RAB7B: variants seen among roughly 807,000 people sequenced by gnomAD.
RAB7B encodes RAB7B, member RAS oncogene family.
At chr1:205,993,374 A>T (rs1205435671) in intron 3 of RAB7B, 46 bp downstream of exon 3, 1 of 397,342 alleles carries the variant, frequency 2.5e-6, no homozygotes, top group African/African-American at 2.1e-5. Flanking sequence ...CTTGGGGGGG[A>T]TTTTCAGTGT....
chr1:205,982,771 C>G (rs1571790892), intron 5 of RAB7B, among the ~76,000 whole-genome samples: 1 of 152,136 alleles, frequency 6.6e-6, no homozygotes, highest in African/African-American at 2.4e-5. Flanking sequence ...CTCAAAACAC[C>G]CTGGGCTGGA....
chr1:205,981,497 G>C (rs1042916150), intron 5 of RAB7B, among the ~76,000 whole-genome samples: 2 of 149,294 alleles, frequency 1.3e-5, no homozygotes, highest in East Asian at 2.0e-4. Flanking sequence ...AACACCTACT[G>C]TGATTTCTTT....
At chr1:205,982,869 T>C (rs912100950) in intron 5 of RAB7B, among the ~76,000 whole-genome samples, 1 of 152,260 alleles carries the variant, frequency 6.6e-6, no homozygotes, top group Non-Finnish European at 1.5e-5. Flanking sequence ...TCAAAATCTG[T>C]ATTTGTAAAC....
rs1160056557 is a variant in RAB7B, at chr1:205,985,517, G to T, written c.522+23C>A. The T allele has an allele frequency of 1.5e-5, 6 of 398,654 alleles. No individual in the cohort carries two copies. In the Admixed American group the frequency reaches 2.2e-4, roughly 15 times the overall value. 24.7% of individuals were successfully genotyped at this position (398,654 alleles called of 1,614,324 possible). On this transcript the variant is annotated intron_variant, in intron 5 of 5. Coordinates refer to ENST00000617070, the MANE Select transcript of RAB7B (RefSeq NM_001164522.3). ...CCCAATCCAGGGGCGGTCTCAGCAG[G>T]TCCTGCCGCCACAGCCACTCACCCT... is the stretch of plus-strand genomic sequence containing the variant.
At chr1:205,995,262 AC>A (rs1191803176) in intron 1 of RAB7B, among the ~76,000 whole-genome samples, 11 of 152,142 alleles carry the variant, frequency 7.2e-5, no homozygotes, top group African/African-American at 1.2e-4. Flanking sequence ...TATAATAATA[AC>A]TTAAAAAAAA....
At chr1:205,989,451 A>G (rs1337980781) in intron 4 of RAB7B, among the ~76,000 whole-genome samples, 2 of 151,852 alleles carry the variant, frequency 1.3e-5, no homozygotes, top group African/African-American at 2.4e-5. Context: ...CATTCACTAA[A>G]CACTTGCCAT....
chr1:205,991,959 C>T (rs968416736), intron 4 of RAB7B, among the ~76,000 whole-genome samples: 4 of 152,204 alleles, frequency 2.6e-5, no homozygotes, highest in African/African-American at 9.6e-5. Flanking sequence ...TATGCTTAAG[C>T]TAATACAAAA....
At chr1:205,983,594 G>T (rs1237250560) in intron 5 of RAB7B, 2 of 152,144 alleles carry the variant, frequency 1.3e-5, no homozygotes, top group African/African-American at 4.8e-5. Context: ...GGAAATGGAA[G>T]CTCAGAATAG....
chr1:205,999,500 A>G (rs1009389116), intron 1 of RAB7B, among the ~76,000 whole-genome samples: 14 of 152,330 alleles, frequency 9.2e-5, no homozygotes, highest in Middle Eastern at 3.4e-3. Context: ...GTGTTAGGGA[A>G]ACACTCTTAT....
chr1:205,982,290 A>G (rs1660508471), intron 5 of RAB7B, among the ~76,000 whole-genome samples: 1 of 152,204 alleles, frequency 6.6e-6, no homozygotes. Flanking sequence ...TCATCAGCCT[A>G]AACTGCTCCT....
intron 4 of RAB7B, among the ~76,000 whole-genome samples, chr1:205,989,028 C>T (rs907170730): frequency 6.6e-6 from 1 of 152,050 alleles, no homozygotes; most frequent in Non-Finnish European, 1.5e-5. Context: ...CCTGATTTCA[C>T]TGTCGCTCAG....
intron 2 of RAB7B, 105 bp downstream of exon 2, chr1:205,993,978 C>T (rs1378264300): frequency 5.0e-6 from 2 of 397,712 alleles, no homozygotes; most frequent in African/African-American, 4.1e-5. Flanking sequence ...GCTGGTGTCA[C>T]CCTGAATCAG....
intron 1 of RAB7B, among the ~76,000 whole-genome samples, chr1:206,001,788 T>A (rs1259751287): frequency 1.3e-5 from 2 of 152,168 alleles, no homozygotes; most frequent in Non-Finnish European, 2.9e-5. Flanking sequence ...GCTCAGCCCC[T>A]GTGGAGTAAG....
chr1:205,981,931 A>G (rs1428016805), intron 5 of RAB7B, among the ~76,000 whole-genome samples: 1 of 152,194 alleles, frequency 6.6e-6, no homozygotes, highest in Admixed American at 6.5e-5. Flanking sequence ...TTTCCTTCAC[A>G]ATGTTAACCG....
intron 1 of RAB7B, among the ~76,000 whole-genome samples, chr1:205,997,327 C>G (rs1030877489): frequency 3.2e-4 from 49 of 152,178 alleles, no homozygotes; most frequent in Non-Finnish European, 6.3e-4. Context: ...AAGTACACAG[C>G]ACCGCAGGAG....
At position 205,992,579 on chromosome 1, in the gene RAB7B, C is replaced by G; in HGVS notation, c.297G>C (p.Leu99=). The change falls in exon 4 of 6, where the codon CTG becomes CTC. Residue 99 remains leucine (L), a synonymous_variant. Transcript: ENST00000617070. The part of the protein sequence containing the change: ...DVTDLESFEA[L]DIWRGDVLAK... ...CCAGGACATCACCCCGCCAGATATC[C>G]AGGGCTTCAAAAGACTCCAGGTCGG... The G allele has an allele frequency of 5.0e-6, 2 of 398,730 alleles. No individual in the cohort carries two copies. Among genetic ancestry groups the G allele is most frequent in the Non-Finnish European group, 8.8e-6 (2 of 226,126 alleles). 24.7% of individuals were successfully genotyped at this position (398,730 alleles called of 1,614,324 possible).
intron 4 of RAB7B, among the ~76,000 whole-genome samples, chr1:205,990,355 G>A (rs1360487463): frequency 6.6e-6 from 1 of 152,182 alleles, no homozygotes; most frequent in East Asian, 1.9e-4. Flanking sequence ...AGTCGTTAAT[G>A]TACAACCCCT....
intron 4 of RAB7B, among the ~76,000 whole-genome samples, chr1:205,991,517 G>A (rs923017613): frequency 5.9e-5 from 9 of 151,988 alleles, no homozygotes; most frequent in South Asian, 2.1e-4. Flanking sequence ...CCTCAAACTC[G>A]CCATGTCCAA....
intron 2 of RAB7B, 87 bp downstream of exon 2, chr1:205,993,996 C>T (rs1432580221): frequency 2.5e-6 from 1 of 398,222 alleles, no homozygotes; most frequent in East Asian, 3.6e-5. Flanking sequence ...CAGAAAGGGA[C>T]CTATGGGAGA....
Sources: gnomAD v4.1 joint callset for allele counts (sites outside exome capture counted in the v4.1 genomes callset) on GRCh38, gnomAD v4.1.1 for gene constraint, MANE v1.5 for transcripts, NCBI Gene and HGNC (gene_info 2026-07-23, HGNC 2026-07-21) for gene names.